The following IQCM variants were observed in gnomAD, a reference collection of about 807,000 sequenced individuals.
The protein encoded by IQCM is IQ motif containing M.
IQCM carries 45 observed loss-of-function variants against 57.6 expected under a neutral mutation model. The observed-to-expected ratio is 0.78, with a 90% CI of 0.62 to 1.00. The LOEUF is 1.00. Among genes scored for constraint, IQCM ranks in the 50% least tolerant of loss-of-function variants. The pLI is 0.00. For missense variants in IQCM, 468 were observed against 511.6 expected, an observed-to-expected ratio of 0.91 and a Z score of 0.82; for synonymous variants, 148 against 158.9, an observed-to-expected ratio of 0.93 and a Z score of 0.51.
intron 7 of IQCM, among the ~76,000 whole-genome samples, chr4:149,652,671 T>C (rs1380272126): frequency 2.0e-5 from 3 of 148,934 alleles, no homozygotes; most frequent in East Asian, 2.0e-4. Context: ...AGAGAGAAGA[T>C]GGAACATTGA....
At chr4:149,787,663 T>C (rs1041169341) in intron 2 of IQCM, among the ~76,000 whole-genome samples, 3 of 152,112 alleles carry the variant, frequency 2.0e-5, no homozygotes, top group Admixed American at 2.0e-4. Context: ...TGGACTCTAT[T>C]TCTCACCATA....
chr4:149,460,343 A>G (rs1245817022), intron 12 of IQCM, among the ~76,000 whole-genome samples: 1 of 152,148 alleles, frequency 6.6e-6, no homozygotes, highest in Non-Finnish European at 1.5e-5. Flanking sequence ...ATTTGCAAAT[A>G]TGTTCTCCCA....
At chr4:149,582,823 T>C (rs1371926623) in intron 9 of IQCM, among the ~76,000 whole-genome samples, 1 of 151,500 alleles carries the variant, frequency 6.6e-6, no homozygotes, top group African/African-American at 2.4e-5. Flanking sequence ...TTTCCATTCA[T>C]AGGTAACAAA....
intron 5 of IQCM, among the ~76,000 whole-genome samples, chr4:149,710,488 T>C (rs1371156572): frequency 6.6e-6 from 1 of 152,108 alleles, no homozygotes; most frequent in Non-Finnish European, 1.5e-5. Context: ...ACCTTCTTTA[T>C]AGAAACAGGC....
intron 8 of IQCM, among the ~76,000 whole-genome samples, chr4:149,600,267 G>C (rs1754155165): frequency 6.6e-6 from 1 of 152,096 alleles, no homozygotes; most frequent in South Asian, 2.1e-4. Flanking sequence ...AGTCTGCCTT[G>C]TGCTTTATGT....
chr4:149,611,853 A>C (rs2150054400), intron 8 of IQCM, among the ~76,000 whole-genome samples: 1 of 151,878 alleles, frequency 6.6e-6, no homozygotes, highest in South Asian at 2.2e-4. Flanking sequence ...AATGTTCCTA[A>C]CATAAAGAAA....
intron 2 of IQCM, among the ~76,000 whole-genome samples, chr4:149,762,880 C>T (rs1007585343): frequency 6.6e-6 from 1 of 151,964 alleles, no homozygotes; most frequent in African/African-American, 2.4e-5. Flanking sequence ...TCTGTTGCCA[C>T]ATAGCAATTT....
intron 2 of IQCM, among the ~76,000 whole-genome samples, chr4:149,774,195 A>AT (rs1219258784): frequency 2.0e-5 from 3 of 152,086 alleles, no homozygotes; most frequent in Admixed American, 6.5e-5. Flanking sequence ...GTAAAAAAAA[A>AT]TTTTTTTTAT....
At chr4:149,481,706 T>TTTTGTTTGTTTTTTGTTTTG (rs1740868040) in intron 12 of IQCM, among the ~76,000 whole-genome samples, 1 of 133,370 alleles carries the variant, frequency 7.5e-6, no homozygotes, top group Non-Finnish European at 1.6e-5. Context: ...GTTTTGTTTT[T>TTTTGTTTGTTTTTTGTTTTG]TTTTTTTTTT....
intron 8 of IQCM, among the ~76,000 whole-genome samples, chr4:149,593,661 C>A (rs1753449694): frequency 6.6e-6 from 1 of 152,052 alleles, no homozygotes; most frequent in Non-Finnish European, 1.5e-5. Flanking sequence ...GAGTTTTTAG[C>A]ATGAAGCGTT....
intron 13 of IQCM, among the ~76,000 whole-genome samples, chr4:149,396,423 A>G (rs908175502): frequency 1.3e-5 from 2 of 151,986 alleles, no homozygotes; most frequent in African/African-American, 4.8e-5. Flanking sequence ...TGATATGCAG[A>G]AATTACCAGG....
intron 13 of IQCM, among the ~76,000 whole-genome samples, chr4:149,412,786 T>G (rs1160967018): frequency 6.6e-6 from 1 of 152,194 alleles, no homozygotes; most frequent in African/African-American, 2.4e-5. Flanking sequence ...CATGGTGTCA[T>G]GTTTTAGATT....
At chr4:149,412,188 AGTAG>A (rs1310554480) in intron 13 of IQCM, among the ~76,000 whole-genome samples, 10 of 152,186 alleles carry the variant, frequency 6.6e-5, no homozygotes, top group Non-Finnish European at 1.5e-4. Flanking sequence ...GTGGCCCCAC[AGTAG>A]ATATGCTGGT....
At chr4:149,493,052 G>T (rs1468366418) in intron 12 of IQCM, among the ~76,000 whole-genome samples, 1 of 152,030 alleles carries the variant, frequency 6.6e-6, no homozygotes, top group Non-Finnish European at 1.5e-5. Flanking sequence ...ACTTACTTAT[G>T]ATGTGAATCA....
At chr4:149,608,776 T>G (rs931888419) in intron 8 of IQCM, among the ~76,000 whole-genome samples, 35 of 151,834 alleles carry the variant, frequency 2.3e-4, no homozygotes, top group African/African-American at 7.9e-4. Context: ...TGAATGAAAT[T>G]TATAGCAATA....
intron 12 of IQCM, among the ~76,000 whole-genome samples, chr4:149,499,197 T>C (rs1292837211): frequency 6.6e-6 from 1 of 152,130 alleles, no homozygotes; most frequent in Non-Finnish European, 1.5e-5. Context: ...GAAAGCAGAA[T>C]GTGGGGTGGG....
intron 5 of IQCM, among the ~76,000 whole-genome samples, chr4:149,708,263 T>C (rs1764303693): frequency 6.6e-6 from 1 of 152,014 alleles, no homozygotes; most frequent in South Asian, 2.1e-4. Context: ...ATATAAAATA[T>C]ATTCTCCTAG....
intron 11 of IQCM, 88 bp from the exon 12 acceptor site, chr4:149,548,677 C>G (rs1211587322): frequency 3.3e-6 from 2 of 603,116 alleles, no homozygotes; most frequent in Non-Finnish European, 4.8e-6. Flanking sequence ...TCCTGTCTAC[C>G]AGTAAGTCTC....
rs566399846 is a variant in IQCM at position 149,513,426 on chromosome 4, AAAAAG to A, written c.1228+35024_1228+35028del. 2.0e-3 allele frequency among the ~76,000 whole-genome samples: 311 copies of A among 152,330 alleles called. 3 individuals carry two copies. Among genetic ancestry groups the A allele is most frequent in the African/African-American group, 6.9e-3 (289 of 41,584 alleles). ...TATAAATAGTAAATGTTAAATGAAA[AAAAAG>A]AAAAGAAGGACCACATTTATCCATT... On this transcript the variant is annotated intron_variant, in intron 12 of 13. Transcript: ENST00000636793.
Sources: gnomAD v4.1 joint callset for allele counts (sites outside exome capture counted in the v4.1 genomes callset) on GRCh38, gnomAD v4.1.1 for gene constraint, MANE v1.5 for transcripts, NCBI Gene and HGNC (gene_info 2026-07-23, HGNC 2026-07-21) for gene names.